The following KCNQ1 variants were observed in gnomAD, a reference collection of about 807,000 sequenced individuals.
The protein encoded by KCNQ1 is potassium voltage-gated channel subfamily KQT member 1.
Under a neutral mutation model 72.4 loss-of-function variants are expected in KCNQ1, and 49 were observed. The observed-to-expected ratio is 0.68, with a 90% CI of 0.54 to 0.86. KCNQ1 has a LOEUF of 0.86. KCNQ1 is among the 40% of genes least tolerant of loss of function. The pLI is 0.00. For missense variants in KCNQ1, 790 were observed against 945.1 expected, an observed-to-expected ratio of 0.84 and a Z score of 2.15; for synonymous variants, 450 against 412.6, an observed-to-expected ratio of 1.09 and a Z score of -1.10.
intron 11 of KCNQ1, among the ~76,000 whole-genome samples, chr11:2,728,312 G>A (rs1477267126): frequency 6.6e-6 from 1 of 152,238 alleles, no homozygotes; most frequent in Non-Finnish European, 1.5e-5. Context: ...TCTGAGGCCA[G>A]GGCCAGGACT....
intron 15 of KCNQ1, among the ~76,000 whole-genome samples, chr11:2,837,364 T>G (rs1848091868): frequency 1.3e-5 from 2 of 151,454 alleles, no homozygotes; most frequent in East Asian, 3.9e-4. Flanking sequence ...GCCCAGGGAG[T>G]GGCCTGGGGC....
rs974060658 is a variant in KCNQ1, at chr11:2,724,624, C to T, written c.1515-44220C>T. On this transcript the variant is annotated intron_variant, in intron 11 of 15. Transcript: ENST00000155840. The surrounding 1 kb of genome is among the most constrained non-coding windows in gnomAD (Gnocchi z 6.8). ...CAGCTTCTCCCCTTGGGTGCCATTG[C>T]AGCTGCACCCAAGCCTTGCCCTTCC... Among the ~76,000 whole-genome samples the T allele has an allele frequency of 6.6e-6, 1 of 152,234 alleles. No individual in the cohort carries two copies. Among genetic ancestry groups the T allele is most frequent in the Non-Finnish European group, 1.5e-5 (1 of 68,032 alleles).
chr11:2,468,682 G>A lies in KCNQ1; in HGVS notation c.386+23198G>A, dbSNP rs1372406912. 2.0e-5 allele frequency among the ~76,000 whole-genome samples: 3 copies of A among 152,302 alleles called. No homozygotes were observed. Among genetic ancestry groups the A allele is most frequent in the Admixed American group, 1.3e-4 (2 of 15,294 alleles). On this transcript the variant is annotated intron_variant, in intron 1 of 15. Transcript: ENST00000155840. The surrounding 1 kb of genome is among the most constrained non-coding windows in gnomAD (Gnocchi z 5.7). ...ATTTGGATGGACTCTGGCAGCCAAC[G>A]CTGGTTTCGTCTGGCTTCTTTTATT... is the stretch of plus-strand genomic sequence containing the variant.
At position 2,609,974 on chromosome 11, in the gene KCNQ1, T is replaced by C. The variant is rs1199820051; in HGVS notation, c.1393+21120T>C. 11 of 398,074 alleles carry C rather than the reference T, an allele frequency of 2.8e-5. 1 individual carries two copies. The East Asian group carries it at 3.6e-4, about 13-fold the overall frequency. 24.7% of individuals were successfully genotyped at this position (398,074 alleles called of 1,614,324 possible). ...TTTTCAAATCTGGTCTGATAATTCC[T>C]GCCTTTGATTAGATTGTTTAATCCA... On this transcript the variant is annotated intron_variant, in intron 10 of 15. Transcript: ENST00000155840.
At chr11:2,810,280 T>G (rs1011857935) in intron 15 of KCNQ1, among the ~76,000 whole-genome samples, 4 of 152,208 alleles carry the variant, frequency 2.6e-5, no homozygotes, top group African/African-American at 9.7e-5. Context: ...CATTGACTGT[T>G]CTGGGCACTT....
intron 2 of KCNQ1, among the ~76,000 whole-genome samples, chr11:2,553,888 G>A (rs1430047423): frequency 6.6e-6 from 1 of 151,978 alleles, no homozygotes; most frequent in African/African-American, 2.4e-5. Flanking sequence ...GCTAATTTTT[G>A]TATTTTTAGG....
At chr11:2,584,617 CTG>C (rs1187689255) in intron 7 of KCNQ1, among the ~76,000 whole-genome samples, 2 of 140,604 alleles carry the variant, frequency 1.4e-5, no homozygotes, top group East Asian at 4.3e-4. Flanking sequence ...GTGTGGGTTA[CTG>C]TGTGTTAGTG....
chr11:2,644,003 A>G (rs911632802), intron 10 of KCNQ1: 2 of 398,020 alleles, frequency 5.0e-6, no homozygotes, highest in African/African-American at 2.1e-5. Context: ...AGTGTCTACA[A>G]CCTCTTTTAT....
intron 1 of KCNQ1, among the ~76,000 whole-genome samples, chr11:2,449,271 C>T (rs540170545): frequency 1.8e-4 from 27 of 152,326 alleles, no homozygotes; most frequent in Non-Finnish European, 3.2e-4. Flanking sequence ...GCATGGTGCC[C>T]GCAGCTTGAG....
intron 15 of KCNQ1, among the ~76,000 whole-genome samples, chr11:2,807,253 C>T (rs142275626): frequency 1.1e-4 from 16 of 152,204 alleles, no homozygotes; most frequent in Admixed American, 9.8e-4. Flanking sequence ...CGAACGTGGC[C>T]GGCTCTGAAA....
In KCNQ1 at chr11:2,458,198, G is replaced by T. The variant is rs1000856257; in HGVS notation, c.386+12714G>T. 6.6e-6 allele frequency among the ~76,000 whole-genome samples: 1 copy of T among 152,092 alleles called. No individual in the cohort carries two copies. The highest frequency in any genetic ancestry group is 1.5e-5 in the Non-Finnish European group (1 of 68,026). ...TCTCCCCAAGCTGAAGATGCAGTGG[G>T]TAAGCCTCACTGAAAATAACAGAGG... On this transcript the variant is annotated intron_variant, in intron 1 of 15. Transcript: ENST00000155840. The surrounding 1 kb of genome is among the most constrained non-coding windows in gnomAD (Gnocchi z 4.6).
rs780714111 is a variant in KCNQ1, at chr11:2,598,888, A to T, written c.1393+10034A>T. ...CTCCTGTGTTGACTGAGTGAGTTAG[A>T]ACATGTAAGTGCTCACCCAGGACCC... On this transcript the variant is annotated intron_variant, in intron 10 of 15. Transcript: ENST00000155840. The surrounding 1 kb of genome is among the most constrained non-coding windows in gnomAD (Gnocchi z 6.2). Among the ~76,000 whole-genome samples the T allele has an allele frequency of 2.0e-5, 3 of 152,196 alleles. No homozygotes were observed. The highest frequency in any genetic ancestry group is 4.4e-5 in the Non-Finnish European group (3 of 68,040).
chr11:2,733,806 A>ACC (rs1845895751), intron 11 of KCNQ1, among the ~76,000 whole-genome samples: 1 of 63,064 alleles, frequency 1.6e-5, no homozygotes, highest in Non-Finnish European at 3.3e-5. Flanking sequence ...ACACACACAC[A>ACC]CACACACACT....
At chr11:2,456,955 A>AAACC (rs1846203075) in intron 1 of KCNQ1, among the ~76,000 whole-genome samples, 4 of 107,874 alleles carry the variant, frequency 3.7e-5, no homozygotes, top group African/African-American at 1.4e-4. Context: ...AAAAAAAAAA[A>AAACC]AAAAAAAAAA....
At chr11:2,755,204 C>T (rs1846280635) in intron 11 of KCNQ1, among the ~76,000 whole-genome samples, 9 of 152,106 alleles carry the variant, frequency 5.9e-5, no homozygotes, top group Admixed American at 5.9e-4. Context: ...TCACAGCTCT[C>T]TCTGACCACA....
chr11:2,830,482 G>C lies in KCNQ1; in HGVS notation c.1795-17285G>C, dbSNP rs1847925659. On this transcript the variant is annotated intron_variant, in intron 15 of 15. Transcript: ENST00000155840. This position sits in a 1 kb window ranked among gnomAD's most constrained non-coding sequence, Gnocchi z 7.7. ...CTGCAAACCACACCCAGTCTAGTCA[G>C]CATGTATCCCCACACCCCAGTCCCA... Among the ~76,000 whole-genome samples, 1 of 152,108 alleles carries C rather than the reference G, an allele frequency of 6.6e-6. No homozygotes were observed. Among genetic ancestry groups the C allele is most frequent in the South Asian group, 2.1e-4 (1 of 4,822 alleles).
chr11:2,618,744 A>T (rs1020232432), intron 10 of KCNQ1: 2 of 398,332 alleles, frequency 5.0e-6, no homozygotes, highest in Non-Finnish European at 8.8e-6. Flanking sequence ...TTTGATAGGG[A>T]TTTTATTCAA....
chr11:2,655,948 G>T (rs1423638987), intron 10 of KCNQ1: 2 of 398,566 alleles, frequency 5.0e-6, no homozygotes, highest in South Asian at 2.5e-4. Context: ...TTCCTCTCTG[G>T]CAGGTGCAGG....
chr11:2,827,887 A>C lies in KCNQ1; in HGVS notation c.1795-19880A>C, dbSNP rs1847872108. On this transcript the variant is annotated intron_variant, in intron 15 of 15. Transcript: ENST00000155840. The surrounding 1 kb of genome is among the most constrained non-coding windows in gnomAD (Gnocchi z 6.7). ...CGAGAGCTTTGTTTGGGGTGTGTCG[A>C]ATTCAAGATGCCTCTGAGACATGGA... 6.6e-6 allele frequency among the ~76,000 whole-genome samples: 1 copy of C among 152,194 alleles called. No individual in the cohort carries two copies.
Sources: gnomAD v4.1 joint callset for allele counts (sites outside exome capture counted in the v4.1 genomes callset) on GRCh38, gnomAD v4.1.1 for gene constraint, Gnocchi (gnomAD v3.1) non-coding constraint, MANE v1.5 for transcripts, NCBI Gene and HGNC (gene_info 2026-07-23, HGNC 2026-07-21) for gene names.